MCC: variants seen among roughly 807,000 people sequenced by gnomAD.
The protein encoded by MCC is MCC regulator of Wnt signaling pathway.
In MCC, 90 loss-of-function variants were observed where a neutral mutation model predicts 116.2. The ratio of observed to expected loss-of-function variants is 0.77; its 90% CI spans 0.65 to 0.92. The LOEUF is 0.92. Ranked by LOEUF, MCC falls within the 40% of genes least tolerant of loss-of-function variation. MCC has a pLI of 0.00. For missense variants in MCC, 1,516 were observed against 1,312.2 expected, an observed-to-expected ratio of 1.16 and a Z score of -2.40; for synonymous variants, 578 against 510.5, an observed-to-expected ratio of 1.13 and a Z score of -1.78.
At chr5:113,037,027 G>A (rs1322093829) in intron 17 of MCC, among the ~76,000 whole-genome samples, 1 of 152,204 alleles carries the variant, frequency 6.6e-6, no homozygotes, top group Non-Finnish European at 1.5e-5. Context: ...CAAATATGAA[G>A]AATCAGCAAG....
chr5:113,171,796 A>T (rs753202786), intron 3 of MCC, among the ~76,000 whole-genome samples: 1 of 152,130 alleles, frequency 6.6e-6, no homozygotes, highest in Non-Finnish European at 1.5e-5. Context: ...TGAGGTTTCT[A>T]GCTACGAAGA....
At chr5:113,158,155 A>G (rs1760279060) in intron 3 of MCC, among the ~76,000 whole-genome samples, 1 of 152,246 alleles carries the variant, frequency 6.6e-6, no homozygotes, top group Admixed American at 6.5e-5. Flanking sequence ...TTTTCCACTT[A>G]ACATTTTCAG....
chr5:113,221,598 G>A (rs1427109301), intron 3 of MCC, among the ~76,000 whole-genome samples: 1 of 152,232 alleles, frequency 6.6e-6, no homozygotes, highest in Non-Finnish European at 1.5e-5. Flanking sequence ...TATTACTATT[G>A]TAAAACCTAA....
intron 11 of MCC, among the ~76,000 whole-genome samples, chr5:113,075,597 C>A (rs1348103832): frequency 1.3e-5 from 2 of 152,174 alleles, no homozygotes; most frequent in African/African-American, 4.8e-5. Context: ...TGTAAATGCA[C>A]CAGTCAGCAC....
chr5:113,271,743 C>T (rs1765626376), intron 3 of MCC, among the ~76,000 whole-genome samples: 1 of 152,188 alleles, frequency 6.6e-6, no homozygotes, highest in South Asian at 2.1e-4. Flanking sequence ...TGACATTTAT[C>T]AGGGGAGTAG....
intron 1 of MCC, among the ~76,000 whole-genome samples, chr5:113,465,896 G>A (rs1327120286): frequency 6.6e-6 from 1 of 152,052 alleles, no homozygotes; most frequent in Non-Finnish European, 1.5e-5. Flanking sequence ...CTTATAGACT[G>A]CTGATGTTAA....
intron 2 of MCC, among the ~76,000 whole-genome samples, chr5:113,375,976 G>A (rs993911221): frequency 4.6e-5 from 7 of 152,170 alleles, no homozygotes; most frequent in African/African-American, 1.4e-4. Context: ...TTAGCAGCAA[G>A]TGTCATAGCG....
Position 113,333,940 on chromosome 5 carries a change from A to G in MCC, c.627+6579T>C, listed in dbSNP as rs563976297. Among the ~76,000 whole-genome samples, 328 of 71,508 alleles carry G rather than the reference A, an allele frequency of 4.6e-3. 10 individuals are homozygous for G. The East Asian group carries it at 0.077, about 17-fold the overall frequency. 46.9% of individuals were successfully genotyped at this position (71,508 alleles called of 152,430 possible). A position where few individuals can be genotyped will look rare whatever the true frequency, so the allele number is the denominator to read the frequency against. On this transcript the variant is annotated intron_variant, in intron 3 of 18. Transcript: ENST00000408903. ...AATTTATATATCTATTTGAGGGAAG[A>G]CAAGGAGACAAATGATTACTTTTAC...
intron 3 of MCC, among the ~76,000 whole-genome samples, chr5:113,264,157 A>T (rs543575813): frequency 1.3e-4 from 20 of 152,344 alleles, no homozygotes; most frequent in Non-Finnish European, 2.4e-4. Context: ...TGCTTCCTAA[A>T]GCCAGCACAC....
intron 1 of MCC, among the ~76,000 whole-genome samples, chr5:113,404,334 T>C (rs1769773238): frequency 6.6e-6 from 1 of 152,212 alleles, no homozygotes; most frequent in African/African-American, 2.4e-5. Flanking sequence ...AAGTCTGTTT[T>C]CTTAAAAGCA....
intron 3 of MCC, among the ~76,000 whole-genome samples, chr5:113,280,817 A>G (rs1296519740): frequency 6.6e-6 from 1 of 152,152 alleles, no homozygotes; most frequent in African/African-American, 2.4e-5. Flanking sequence ...AACAGCTTAG[A>G]GGTGGCAGTC....
intron 1 of MCC, among the ~76,000 whole-genome samples, chr5:113,450,359 T>C (rs1771355942): frequency 6.6e-6 from 1 of 152,196 alleles, no homozygotes; most frequent in African/African-American, 2.4e-5. Flanking sequence ...TGAACTCCAT[T>C]AGCTGCTGTG....
At chr5:113,207,631 C>A (rs552167406) in intron 3 of MCC, among the ~76,000 whole-genome samples, 64 of 152,284 alleles carry the variant, frequency 4.2e-4, no homozygotes, top group South Asian at 2.3e-3. Flanking sequence ...CAAAATGATT[C>A]TCAGCAGGGC....
chr5:113,454,922 G>A (rs1054389223), intron 1 of MCC, among the ~76,000 whole-genome samples: 3 of 152,150 alleles, frequency 2.0e-5, no homozygotes, highest in African/African-American at 7.2e-5. Context: ...AGCCTGAAAT[G>A]AATAATTGCA....
chr5:113,393,575 T>C (rs971937769), intron 1 of MCC, among the ~76,000 whole-genome samples: 28 of 152,340 alleles, frequency 1.8e-4, no homozygotes, highest in African/African-American at 4.6e-4. Flanking sequence ...TCTCTCAATA[T>C]AGTTTTCTCA....
chr5:113,467,487 T>C (rs1771944552), intron 1 of MCC, among the ~76,000 whole-genome samples: 2 of 152,302 alleles, frequency 1.3e-5, no homozygotes, highest in South Asian at 2.1e-4. Context: ...AAAGATCAGA[T>C]AGTTGTAGAT....
chr5:113,304,732 A>T (rs1038064088), intron 3 of MCC, among the ~76,000 whole-genome samples: 6 of 152,194 alleles, frequency 3.9e-5, no homozygotes, highest in Non-Finnish European at 8.8e-5. Context: ...AAAATTAATC[A>T]GTGGAGATTA....
chr5:113,469,522 G>C (rs1389108040), intron 1 of MCC, among the ~76,000 whole-genome samples: 2 of 152,134 alleles, frequency 1.3e-5, no homozygotes, highest in Non-Finnish European at 2.9e-5. Flanking sequence ...CTGAGTTCTA[G>C]TTTGATTGCA....
intron 3 of MCC, among the ~76,000 whole-genome samples, chr5:113,198,789 A>T (rs909150578): frequency 1.3e-5 from 2 of 151,832 alleles, no homozygotes; most frequent in South Asian, 4.2e-4. Flanking sequence ...CTGGCACAAG[A>T]TTCAGGAGAG....
Sources: allele counts gnomAD v4.1 joint callset (sites outside exome capture counted in the v4.1 genomes callset), GRCh38; gene constraint gnomAD v4.1.1; transcripts MANE v1.5; gene names NCBI Gene and HGNC (gene_info 2026-07-23, HGNC 2026-07-21).